The following ANKS1B variants were observed in gnomAD, a reference collection of about 807,000 sequenced individuals.
ANKS1B encodes ankyrin repeat and sterile alpha motif domain containing 1B.
A neutral mutation model predicts 148.3 loss-of-function variants in ANKS1B; 36 were observed. That is an observed-to-expected ratio of 0.24 (90% CI 0.19 to 0.32). The LOEUF is 0.32. Among genes scored for constraint, ANKS1B ranks in the 10% least tolerant of loss-of-function variants. The probability of loss-of-function intolerance (pLI) is 1.00; values close to 1 mark genes in which losing one functional copy is unlikely to be tolerated. For synonymous variants in ANKS1B, 542 were observed against 560.8 expected (o/e 0.97, Z 0.47); for missense variants, 1,157 against 1,542.6 (o/e 0.75, Z 4.19).
intron 17 of ANKS1B, among the ~76,000 whole-genome samples, chr12:98,837,199 T>C (rs967604161): frequency 5.3e-5 from 8 of 150,372 alleles, no homozygotes; most frequent in African/African-American, 1.7e-4. Flanking sequence ...TAGCCAGGCA[T>C]GGTGGCGCAC....
intron 11 of ANKS1B, among the ~76,000 whole-genome samples, chr12:99,403,448 T>C (rs1439627976): frequency 1.4e-5 from 2 of 142,012 alleles, no homozygotes; most frequent in Non-Finnish European, 3.1e-5. Flanking sequence ...TGAACGACCA[T>C]ACCCAGCCCC....
chr12:99,959,299 G>C (rs932897838), intron 1 of ANKS1B, among the ~76,000 whole-genome samples: 1 of 137,688 alleles, frequency 7.3e-6, no homozygotes, highest in Non-Finnish European at 1.5e-5. Flanking sequence ...GGATGGTCTC[G>C]ATCTCCTGAC....
chr12:99,212,214 T>C (rs2083440084), intron 14 of ANKS1B, among the ~76,000 whole-genome samples: 1 of 152,184 alleles, frequency 6.6e-6, no homozygotes, highest in African/African-American at 2.4e-5. Flanking sequence ...GGTTATCGCC[T>C]AAAAAAGGTA....
intron 15 of ANKS1B, among the ~76,000 whole-genome samples, chr12:99,143,471 G>A (rs1489883233): frequency 1.3e-5 from 2 of 152,078 alleles, no homozygotes; most frequent in African/African-American, 4.8e-5. Context: ...CGCATGCAAT[G>A]ACCTGTAAGG....
At chr12:99,823,143 G>T (rs2153680877) in intron 2 of ANKS1B, among the ~76,000 whole-genome samples, 1 of 151,934 alleles carries the variant, frequency 6.6e-6, no homozygotes, top group East Asian at 1.9e-4. Flanking sequence ...GGATTATTTG[G>T]TTTTTGCTTG....
intron 12 of ANKS1B, among the ~76,000 whole-genome samples, chr12:99,354,771 A>G (rs773362798): frequency 6.6e-6 from 1 of 152,074 alleles, no homozygotes; most frequent in Non-Finnish European, 1.5e-5. Flanking sequence ...GCAGAATAAT[A>G]ACAGTTGACA....
chr12:99,426,776 A>G (rs1594595316), intron 11 of ANKS1B, among the ~76,000 whole-genome samples: 1 of 152,194 alleles, frequency 6.6e-6, no homozygotes, highest in South Asian at 2.1e-4. Flanking sequence ...ATATTTAACT[A>G]TCTACATTAT....
At chr12:98,855,368 T>C (rs921504744) in intron 17 of ANKS1B, among the ~76,000 whole-genome samples, 1 of 152,228 alleles carries the variant, frequency 6.6e-6, no homozygotes, top group African/African-American at 2.4e-5. Flanking sequence ...TGGTGGTATA[T>C]TTTGCTGATC....
chr12:98,924,808 C>T (rs897621409), intron 17 of ANKS1B, among the ~76,000 whole-genome samples: 4 of 152,148 alleles, frequency 2.6e-5, no homozygotes, highest in Non-Finnish European at 5.9e-5. Context: ...CTTCATCATA[C>T]AGAGAAATTA....
intron 8 of ANKS1B, among the ~76,000 whole-genome samples, chr12:99,718,239 C>A (rs554536072): frequency 1.1e-3 from 170 of 152,244 alleles, no homozygotes; most frequent in Non-Finnish European, 2.2e-3. Context: ...GTTATCCCCA[C>A]CTGCCCAGTT....
rs1459730040 is a variant in ANKS1B at position 98,999,635 on chromosome 12, A to T, written c.2778+53522T>A. Among the ~76,000 whole-genome samples, 3 of 152,344 alleles carry T rather than the reference A, an allele frequency of 2.0e-5. No individual in the cohort carries two copies. The South Asian group carries it at 6.2e-4, about 32-fold the overall frequency. ...TAGGTATCAAAAGAAAAAAGTCAGG[A>T]TCTAAGGGGAATGGAAAAGTTTCTG... On this transcript the variant is annotated intron_variant, in intron 17 of 26. Transcript: ENST00000683438.
chr12:99,627,311 T>C (rs1307112817), intron 9 of ANKS1B, among the ~76,000 whole-genome samples: 4 of 152,168 alleles, frequency 2.6e-5, no homozygotes, highest in Non-Finnish European at 5.9e-5. Context: ...AGAGTAGTAA[T>C]TAAAACAAAA....
intron 12 of ANKS1B, among the ~76,000 whole-genome samples, chr12:99,248,124 G>A (rs2074102257): frequency 6.6e-6 from 1 of 151,890 alleles, no homozygotes; most frequent in African/African-American, 2.4e-5. Context: ...ATTTTGTGAT[G>A]GAACGAGATG....
chr12:99,008,000 A>G (rs2099937142), intron 17 of ANKS1B, among the ~76,000 whole-genome samples: 1 of 149,470 alleles, frequency 6.7e-6, no homozygotes, highest in Non-Finnish European at 1.5e-5. Flanking sequence ...CTCTAACTAC[A>G]CTGCTTGCAT....
chr12:99,654,730 A>G (rs1423719268), intron 9 of ANKS1B, among the ~76,000 whole-genome samples: 1 of 152,134 alleles, frequency 6.6e-6, no homozygotes, highest in Non-Finnish European at 1.5e-5. Context: ...GTTTCCTTAT[A>G]TCTGTAGACA....
intron 8 of ANKS1B, among the ~76,000 whole-genome samples, chr12:99,729,773 C>A (rs1001026521): frequency 4.6e-5 from 7 of 152,172 alleles, no homozygotes; most frequent in African/African-American, 1.4e-4. Context: ...CCCACCCCTG[C>A]TCTAAGCTTG....
At chr12:99,504,260 T>C (rs1463782441) in intron 10 of ANKS1B, among the ~76,000 whole-genome samples, 1 of 152,196 alleles carries the variant, frequency 6.6e-6, no homozygotes, top group Non-Finnish European at 1.5e-5. Flanking sequence ...AGCATTACCA[T>C]GTCCATTATG....
At chr12:99,072,073 T>A (rs138059733) in intron 16 of ANKS1B, among the ~76,000 whole-genome samples, 1 of 152,154 alleles carries the variant, frequency 6.6e-6, no homozygotes, top group African/African-American at 2.4e-5. Flanking sequence ...ACAATCAAAT[T>A]GGAAAGTTTT....
intron 1 of ANKS1B, among the ~76,000 whole-genome samples, chr12:99,912,769 A>C (rs1451392086): frequency 1.3e-5 from 2 of 152,148 alleles, no homozygotes; most frequent in Non-Finnish European, 2.9e-5. Context: ...ATAATCTATT[A>C]TATCTATACC....
Sources: allele counts gnomAD v4.1 joint callset (sites outside exome capture counted in the v4.1 genomes callset), GRCh38; gene constraint gnomAD v4.1.1; transcripts MANE v1.5; gene names NCBI Gene and HGNC (gene_info 2026-07-23, HGNC 2026-07-21).